CDH13: variants seen among roughly 807,000 people sequenced by gnomAD.
CDH13 encodes the protein cadherin 13, also known as cadherin-13.
In CDH13, 24 loss-of-function variants were observed where a neutral mutation model predicts 63.8. The ratio of observed to expected loss-of-function variants is 0.38; its 90% CI spans 0.27 to 0.53. The LOEUF (loss-of-function observed/expected upper bound fraction) is 0.53, where lower values mean the gene tolerates loss of function less well. CDH13 is among the 20% of genes least tolerant of loss of function. The probability of loss-of-function intolerance (pLI) is 0.85; values close to 1 mark genes in which losing one functional copy is unlikely to be tolerated. For missense variants in CDH13, 1,049 were observed against 903.1 expected (o/e 1.16, Z -2.07); for synonymous variants, 503 against 355.3 (o/e 1.42, Z -4.67).
chr16:82,980,341 G>T (rs1910097074), intron 2 of CDH13, among the ~76,000 whole-genome samples: 2 of 152,044 alleles, frequency 1.3e-5, no homozygotes, highest in African/African-American at 4.8e-5. Context: ...GCTTTGGCTG[G>T]GTCCGTAAAG....
intron 11 of CDH13, among the ~76,000 whole-genome samples, chr16:83,750,095 A>C (rs2150974359): frequency 6.6e-6 from 1 of 152,246 alleles, no homozygotes; most frequent in South Asian, 2.1e-4. Flanking sequence ...CAGGAGTTTG[A>C]GACCAGCCTG....
chr16:83,427,705 G>C (rs958133718), intron 6 of CDH13, among the ~76,000 whole-genome samples: 4 of 151,880 alleles, frequency 2.6e-5, no homozygotes, highest in Non-Finnish European at 4.4e-5. Flanking sequence ...CCCTCGGCAG[G>C]CCTGGTGCTA....
At position 83,343,900 on chromosome 16, in the gene CDH13, A is replaced by T. The variant is rs1453986435; in HGVS notation, c.637-962A>T. ...AATCAAGTGAGATAATATAGTATAG[A>T]GCTAAAGTAAGCACTGGATAAGTGT... On this transcript the variant is annotated intron_variant, in intron 5 of 13. Transcript: ENST00000567109. 2.6e-5 allele frequency among the ~76,000 whole-genome samples: 4 copies of T among 152,214 alleles called. No individual in the cohort carries two copies. The East Asian group carries it at 7.7e-4, about 29-fold the overall frequency.
chr16:83,391,299 G>A (rs80181768), intron 6 of CDH13, among the ~76,000 whole-genome samples: 16,117 of 151,464 alleles, frequency 0.11, 1,117 homozygotes, highest in Non-Finnish European at 0.15. Flanking sequence ...TCTGCCTCCC[G>A]GGTTCAAATG....
intron 5 of CDH13, among the ~76,000 whole-genome samples, chr16:83,302,186 C>A (rs923217764): frequency 4.6e-5 from 7 of 152,156 alleles, no homozygotes; most frequent in African/African-American, 1.4e-4. Flanking sequence ...CTCATGACAT[C>A]ATAGAAAATG....
chr16:83,281,233 A>G (rs2089163375), intron 5 of CDH13, among the ~76,000 whole-genome samples: 1 of 152,140 alleles, frequency 6.6e-6, no homozygotes, highest in Admixed American at 6.6e-5. Context: ...CTATATCAGC[A>G]CTCGCTGCTT....
intron 2 of CDH13, among the ~76,000 whole-genome samples, chr16:82,989,684 G>C (rs970581379): frequency 1.3e-5 from 2 of 152,186 alleles, no homozygotes; most frequent in African/African-American, 4.8e-5. Flanking sequence ...TGTATTCAAG[G>C]TGCAGGGTAT....
intron 3 of CDH13, among the ~76,000 whole-genome samples, chr16:83,088,241 A>T (rs1374774659): frequency 1.3e-5 from 2 of 152,090 alleles, no homozygotes; most frequent in Non-Finnish European, 2.9e-5. Flanking sequence ...TTATTTCCTT[A>T]TGCTGAGGGT....
chr16:83,203,512 C>G (rs1272970527), intron 4 of CDH13, among the ~76,000 whole-genome samples: 1 of 151,226 alleles, frequency 6.6e-6, no homozygotes, highest in Non-Finnish European at 1.5e-5. Flanking sequence ...TGGTGAAACC[C>G]CGTCTCTACT....
At chr16:83,318,773 A>G (rs1198755445) in intron 5 of CDH13, among the ~76,000 whole-genome samples, 2 of 152,152 alleles carry the variant, frequency 1.3e-5, no homozygotes, top group Non-Finnish European at 1.5e-5. Flanking sequence ...TGGTATTCGG[A>G]TAAAAGCAGT....
At chr16:83,422,201 C>G (rs1272619585) in intron 6 of CDH13, among the ~76,000 whole-genome samples, 2 of 152,154 alleles carry the variant, frequency 1.3e-5, no homozygotes, top group Non-Finnish European at 2.9e-5. Flanking sequence ...TTCCATAATA[C>G]TATTTTTCGT....
chr16:83,523,526 C>T (rs531610325), intron 7 of CDH13, among the ~76,000 whole-genome samples: 2 of 152,182 alleles, frequency 1.3e-5, no homozygotes, highest in African/African-American at 2.4e-5. Context: ...ACCCTGCCAA[C>T]CAGTGCCCCC....
At chr16:83,087,397 C>T (rs1394880677) in intron 3 of CDH13, among the ~76,000 whole-genome samples, 2 of 152,068 alleles carry the variant, frequency 1.3e-5, no homozygotes, top group East Asian at 3.9e-4. Flanking sequence ...CAGCTGGACA[C>T]GGTGGCTCAC....
intron 1 of CDH13, chr16:82,719,486 T>A: frequency 4.4e-6 from 2 of 455,292 alleles, no homozygotes; most frequent in South Asian, 3.1e-5. Flanking sequence ...GTAAGTTACA[T>A]GAGATGTGAA....
chr16:82,959,773 A>G (rs979944895), intron 2 of CDH13, among the ~76,000 whole-genome samples: 24 of 152,302 alleles, frequency 1.6e-4, no homozygotes, highest in African/African-American at 5.5e-4. Flanking sequence ...GCATGGATGT[A>G]CCACACGGTT....
At position 83,215,073 on chromosome 16, in the gene CDH13, C is replaced by CTTTTTTTTTTTTTTTTTTT. The variant is rs571565652; in HGVS notation, c.484-2269_484-2251dup. 1.6e-4 allele frequency among the ~76,000 whole-genome samples: 9 copies of CTTTTTTTTTTTTTTTTTTT among 56,240 alleles called. 3 individuals carry two copies. The highest frequency in any genetic ancestry group is 6.5e-4 in the Admixed American group (2 of 3,084). The allele number at this position is 56,240 out of a possible 152,430, so 36.9% of individuals were successfully genotyped here. ...TTTCATCAGAGAGTATCAAACACCT[C>CTTTTTTTTTTTTTTTTTTT]TTTTTTTTTTTTTTTTTTTTTGAGA... On this transcript the variant is annotated intron_variant, in intron 4 of 13. Coordinates refer to ENST00000567109, the MANE Select transcript of CDH13 (RefSeq NM_001257.5).
At chr16:83,609,661 T>C (rs1488632745) in intron 8 of CDH13, among the ~76,000 whole-genome samples, 1 of 152,250 alleles carries the variant, frequency 6.6e-6, no homozygotes, top group East Asian at 1.9e-4. Flanking sequence ...TTATTTCATT[T>C]TTTAACTTTA....
At chr16:83,327,389 A>G (rs547414802) in intron 5 of CDH13, among the ~76,000 whole-genome samples, 1 of 152,240 alleles carries the variant, frequency 6.6e-6, no homozygotes, top group Non-Finnish European at 1.5e-5. Flanking sequence ...CCTTCAGGGA[A>G]TTCTCAAAAG....
intron 11 of CDH13, among the ~76,000 whole-genome samples, chr16:83,752,667 A>G (rs1423840): frequency 0.16 from 24,349 of 152,232 alleles, 2,354 homozygotes; most frequent in Middle Eastern, 0.25. Context: ...AACATTCAGC[A>G]TACACCTGTA....
Sources: gnomAD v4.1 joint callset for allele counts (sites outside exome capture counted in the v4.1 genomes callset) on GRCh38, gnomAD v4.1.1 for gene constraint, MANE v1.5 for transcripts, NCBI Gene and HGNC (gene_info 2026-07-23, HGNC 2026-07-21) for gene names.